The following PTGR2 variants were observed in gnomAD, a reference collection of about 807,000 sequenced individuals.
PTGR2 encodes the protein 15-oxoprostaglandin 13-reductase.
In PTGR2, 32 loss-of-function variants were observed where a neutral mutation model predicts 43.4. The ratio of observed to expected loss-of-function variants is 0.74; its 90% CI spans 0.56 to 0.99. The LOEUF is 0.99. Among genes scored for constraint, PTGR2 ranks in the 50% least tolerant of loss-of-function variants. The pLI is 0.00. For missense variants in PTGR2, 373 were observed against 420.0 expected (o/e 0.89, Z 0.98); for synonymous variants, 106 against 139.2 (o/e 0.76, Z 1.68).
rs1370510041 is a variant in PTGR2 at position 73,878,284 on chromosome 14, G to A, written c.520-812G>A. On this transcript the variant is annotated intron_variant, in intron 5 of 9. Transcript: ENST00000555661. ...GCTTGAAAAATAATGAATTGCACGT[G>A]ATGTTTTGGGTCTGATTATTTATTC... is the stretch of plus-strand genomic sequence containing the variant. The A allele has an allele frequency of 2.6e-5, 4 of 152,092 alleles. No individual in the cohort carries two copies. In the East Asian group the frequency reaches 7.7e-4, roughly 29 times the overall value. 9.4% of individuals were successfully genotyped at this position (152,092 alleles called of 1,614,324 possible).
chr14:73,879,738 G>A (rs2054939832), intron 6 of PTGR2: 1 of 341,544 alleles, frequency 2.9e-6, no homozygotes, highest in East Asian at 6.7e-5. Context: ...GTCCTTTGCT[G>A]CATCTAAAAT....
Position 73,853,845 on chromosome 14 carries a change from T to A in PTGR2, c.-48+1902T>A, listed in dbSNP as rs139336038. Among the ~76,000 whole-genome samples, 392 of 152,262 alleles carry A rather than the reference T, an allele frequency of 2.6e-3. 2 individuals carry two copies. Among genetic ancestry groups the A allele is most frequent in the African/African-American group, 8.8e-3 (364 of 41,554 alleles). On this transcript the variant is annotated intron_variant, in intron 1 of 9. Coordinates refer to ENST00000555661, the MANE Select transcript of PTGR2 (RefSeq NM_001146154.2). The stretch of plus-strand genomic sequence containing the variant: ...CTGTTCTTCCTACTTAAATGACCTT[T>A]CCCTTTTACCAGGCTGCAAGGTAAA...
chr14:73,880,339 G>A lies in PTGR2; in HGVS notation c.851+163G>A, dbSNP rs184576521. 2,313 of 725,338 alleles carry A rather than the reference G, an allele frequency of 3.2e-3. 65 individuals carry two copies. The Admixed American group carries it at 0.048, about 15-fold the overall frequency. The allele number at this position is 725,338 out of a possible 1,614,324, so 44.9% of individuals were successfully genotyped here. ...TGTAATCCTAGCACTTTGGGATGCC[G>A]AGACGGGTGGATTGCTTGAGGCCAG... On this transcript the variant is annotated intron_variant, in intron 7 of 9. Transcript: ENST00000555661.
Position 73,880,164 on chromosome 14 carries a change from G to T in PTGR2, c.839G>T (p.Arg280Ile). Residue 280 changes from arginine (R) to isoleucine (I), a missense_variant, in exon 7 of 10, where the codon AGA (arginine) becomes ATA (isoleucine). By Grantham distance (97) the Arg-to-Ile change is moderately conservative. Transcript: ENST00000555661. ...GCTATAGAGGCAATCCAGAAAGAAA[G>T]AAACATCACAAGGTGTGTTCTTCCT... The part of the protein sequence containing the change: ...SPAIEAIQKE[R>I]NITRERFLVL... 4 of 1,613,888 alleles carry T rather than the reference G, an allele frequency of 2.5e-6. No individual in the cohort carries two copies. In the South Asian group the frequency reaches 3.3e-5, roughly 13 times the overall value.
Position 73,879,259 on chromosome 14 carries a change from A to T in PTGR2, c.683A>T (p.Tyr228Phe). 6.2e-7 allele frequency: 1 copy of T among 1,614,150 alleles called. No individual in the cohort carries two copies. Among genetic ancestry groups the T allele is most frequent in the Non-Finnish European group, 8.5e-7 (1 of 1,180,018 alleles). ...RESCPAGVDV[Y>F]FDNVGGNISD... Reference sequence around the variant, plus strand: ...TCATGCCCAGCTGGAGTGGATGTTTATTTTGACAATGTTGGTGGTAACATC... The same window carrying T: ...TCATGCCCAGCTGGAGTGGATGTTTTTTTTGACAATGTTGGTGGTAACATC... Residue 228 changes from tyrosine (Y) to phenylalanine (F), a missense_variant, in exon 6 of 10, where the codon TAT becomes TTT. Coordinates refer to ENST00000555661, the MANE Select transcript of PTGR2 (RefSeq NM_001146154.2).
intron 3 of PTGR2, among the ~76,000 whole-genome samples, chr14:73,868,984 A>C (rs996236610): frequency 2.0e-5 from 3 of 152,158 alleles, no homozygotes; most frequent in African/African-American, 7.2e-5. Context: ...AGTCCCAGGT[A>C]CATATTAAAG....
rs1191970007 is a variant in PTGR2 at position 73,880,124 on chromosome 14, C to T, written c.799C>T (p.Pro267Ser). 5 of 1,613,836 alleles carry T rather than the reference C, an allele frequency of 3.1e-6. No individual in the cohort carries two copies. Among genetic ancestry groups the T allele is most frequent in the Non-Finnish European group, 2.5e-6 (3 of 1,179,826 alleles). ...SQYNKDVPYP[P>S]PLSPAIEAIQ... ...GTACAACAAAGATGTGCCTTATCCT[C>T]CCCCGCTATCCCCTGCTATAGAGGC... Residue 267 changes from proline to serine, a missense_variant, in exon 7 of 10, where the codon CCC becomes TCC. Transcript: ENST00000555661.
intron 3 of PTGR2, among the ~76,000 whole-genome samples, chr14:73,873,090 G>T (rs1482760303): frequency 6.6e-6 from 1 of 151,442 alleles, no homozygotes; most frequent in African/African-American, 2.4e-5. Context: ...GGCAGTACAC[G>T]TGAGGTTGGG....
intron 3 of PTGR2, among the ~76,000 whole-genome samples, chr14:73,867,065 T>C (rs1336029966): frequency 2.3e-5 from 3 of 133,036 alleles, no homozygotes; most frequent in Admixed American, 1.7e-4. Context: ...CTCCAGCCTG[T>C]GTGACAGAGC....
In PTGR2 at chr14:73,860,539, G is replaced by GA. The variant is rs1270787640; in HGVS notation, c.44dup (p.Asn15LysfsTer3). The GA allele has an allele frequency of 2.0e-6, 3 of 1,474,310 alleles. 1 individual carries two copies. Among genetic ancestry groups the GA allele is most frequent in the African/African-American group, 2.8e-5 (2 of 70,558 alleles). The allele number at this position is 1,474,310 out of a possible 1,614,324, so 91.3% of individuals were successfully genotyped here. On this transcript the variant is annotated frameshift_variant and splice_region_variant, in exon 3 of 10. Coordinates refer to ENST00000555661, the MANE Select transcript of PTGR2 (RefSeq NM_001146154.2). LOFTEE classifies it high-confidence loss of function. ...TTTATATTTTTGCATAATATTTTAGGAAAAAATGGTAATCCAGTGGCAGAG... is the reference window on the plus strand; with the variant it reads ...TTTATATTTTTGCATAATATTTTAGGAAAAAAATGGTAATCCAGTGGCAGAG...
rs1287044566 is a variant in PTGR2, at chr14:73,884,135, T to C, written c.1014T>C (p.Ile338=). Residue 338 remains isoleucine (I), a synonymous_variant, in exon 10 of 10, where the codon ATT becomes ATC. Transcript: ENST00000555661. ...AGTCCATGATGACAGGAGGTAACAT[T>C]GGAAAGCAGATAGTTTGCATTTCAG... The part of the protein sequence containing the change: ...AFQSMMTGGN[I]GKQIVCISEE... 3 of 1,608,896 alleles carry C rather than the reference T, an allele frequency of 1.9e-6. No individual in the cohort carries two copies. The highest frequency in any genetic ancestry group is 1.1e-5 in the South Asian group (1 of 90,238).
intron 3 of PTGR2, among the ~76,000 whole-genome samples, chr14:73,866,538 G>A (rs1334061085): frequency 1.3e-5 from 2 of 152,130 alleles, no homozygotes; most frequent in East Asian, 1.9e-4. Flanking sequence ...GATTTTGATA[G>A]GGATTTTGAT....
intron 7 of PTGR2, among the ~76,000 whole-genome samples, chr14:73,880,883 G>C (rs536059373): frequency 9.3e-4 from 141 of 152,226 alleles, no homozygotes; most frequent in Non-Finnish European, 1.8e-3. Context: ...TAAAACCACC[G>C]TCTCCCAGGT....
chr14:73,852,120 G>C (rs1049603875), intron 1 of PTGR2, 177 bp downstream of exon 1: 2 of 152,392 alleles, frequency 1.3e-5, no homozygotes, highest in Admixed American at 6.5e-5. Flanking sequence ...AACAGAAGCA[G>C]GTTTTGGGGT....
chr14:73,880,299 A>G, intron 7 of PTGR2, 123 bp downstream of exon 7: 1 of 1,146,852 alleles, frequency 8.7e-7, no homozygotes, highest in Non-Finnish European at 1.3e-6. Flanking sequence ...TAGGTCGGGC[A>G]TAGTGGCTTA....
At chr14:73,879,874 C>A in intron 6 of PTGR2, 181 bp from the exon 7 acceptor site, 1 of 537,038 alleles carries the variant, frequency 1.9e-6, no homozygotes. Flanking sequence ...CTTGGTGTTC[C>A]TTTGGAATGT....
At chr14:73,870,870 T>G (rs2140257231) in intron 3 of PTGR2, among the ~76,000 whole-genome samples, 1 of 152,364 alleles carries the variant, frequency 6.6e-6, no homozygotes, top group Admixed American at 6.5e-5. Context: ...ATCATTTGTT[T>G]AGCTATAGGG....
At chr14:73,853,634 CTA>C (rs2054280587) in intron 1 of PTGR2, among the ~76,000 whole-genome samples, 1 of 152,086 alleles carries the variant, frequency 6.6e-6, no homozygotes, top group Admixed American at 6.6e-5. Context: ...CTTTTCTCAT[CTA>C]TAAAATTGAG....
chr14:73,857,138 T>G (rs1046532109), intron 1 of PTGR2, among the ~76,000 whole-genome samples: 7 of 152,114 alleles, frequency 4.6e-5, no homozygotes, highest in African/African-American at 1.7e-4. Flanking sequence ...GATCCTTTAC[T>G]TATTGGCCAT....
Sources: gnomAD v4.1 joint callset for allele counts (sites outside exome capture counted in the v4.1 genomes callset) on GRCh38, gnomAD v4.1.1 for gene constraint, MANE v1.5 for transcripts, NCBI Gene and HGNC (gene_info 2026-07-23, HGNC 2026-07-21) for gene names.